The following TBKBP1 variants were observed in gnomAD, a reference collection of about 807,000 sequenced individuals.
TBKBP1 encodes the protein TANK-binding kinase 1-binding protein 1.
A neutral mutation model predicts 69.9 loss-of-function variants in TBKBP1; 47 were observed. That is an observed-to-expected ratio of 0.67 (90% confidence interval 0.53 to 0.86). The LOEUF is 0.86. TBKBP1 is among the 40% of genes least tolerant of loss of function. TBKBP1 has a pLI of 0.00. For synonymous variants in TBKBP1, 418 were observed against 390.3 expected (o/e 1.07, Z -0.84); for missense variants, 831 against 858.6 (o/e 0.97, Z 0.40).
chr17:47,706,027 G>A (rs1318646188), intron 7 of TBKBP1, among the ~76,000 whole-genome samples: 1 of 152,018 alleles, frequency 6.6e-6, no homozygotes, highest in African/African-American at 2.4e-5. Context: ...GGTAGAAACT[G>A]GGGTAGCTCC....
chr17:47,696,995 G>T (rs1460970747), intron 3 of TBKBP1, 94 bp from the exon 4 acceptor site: 9 of 1,515,364 alleles, frequency 5.9e-6, no homozygotes, highest in Non-Finnish European at 8.0e-6. Flanking sequence ...TCCATAGGGT[G>T]CTGGGAGTGG....
intron 1 of TBKBP1, 72 bp from the exon 2 acceptor site, chr17:47,696,007 A>T: frequency 1.2e-6 from 1 of 859,012 alleles, no homozygotes; most frequent in East Asian, 2.6e-5. Context: ...GGGAGTGCAG[A>T]GCCAGGGAGA....
intron 7 of TBKBP1, among the ~76,000 whole-genome samples, chr17:47,701,762 C>T (rs776599149): frequency 3.3e-5 from 5 of 152,196 alleles, no homozygotes; most frequent in African/African-American, 4.8e-5. Flanking sequence ...GCTAGGAGGC[C>T]GTATCATCCA....
intron 1 of TBKBP1, chr17:47,694,483 C>G (rs1260574986): frequency 6.6e-6 from 1 of 152,004 alleles, no homozygotes. Flanking sequence ...TCTCGGCCCC[C>G]GAGAGGGGAG....
chr17:47,703,373 C>T (rs2031586553), intron 7 of TBKBP1, among the ~76,000 whole-genome samples: 1 of 152,238 alleles, frequency 6.6e-6, no homozygotes, highest in Non-Finnish European at 1.5e-5. Flanking sequence ...AGCGTAGCCT[C>T]ATGCCCCAGA....
intron 9 of TBKBP1, 42 bp from the exon 10 acceptor site, chr17:47,710,456 T>G (rs752378149): frequency 1.3e-6 from 2 of 1,582,386 alleles, no homozygotes; most frequent in African/African-American, 2.7e-5. Flanking sequence ...GGACCATGGG[T>G]GGGGGCTGGG....
At chr17:47,694,896 G>T (rs1000015091) in intron 1 of TBKBP1, among the ~76,000 whole-genome samples, 2 of 150,938 alleles carry the variant, frequency 1.3e-5, no homozygotes, top group African/African-American at 4.9e-5. Flanking sequence ...GGAGGGGGGG[G>T]GGTGGATTGA....
rs560881033 is a variant in TBKBP1, at chr17:47,699,257, C to G, written c.635-63C>G. 3 of 1,430,740 alleles carry G rather than the reference C, an allele frequency of 2.1e-6. No homozygotes were observed. In the South Asian group the frequency reaches 4.7e-5, roughly 22 times the overall value. The allele number at this position is 1,430,740 out of a possible 1,614,324, so 88.6% of individuals were successfully genotyped here. On this transcript the variant is annotated intron_variant, in intron 5 of 9. Transcript: ENST00000578982. ...CCCCATGCTGCATCCTCCTGTTTCA[C>G]TCTGGCTCTGGGAGCTGGAGGAGGC...
chr17:47,694,236 C>A (rs2031109838), intron 1 of TBKBP1, 42 bp downstream of exon 1: 1 of 141,688 alleles, frequency 7.1e-6, no homozygotes, highest in Non-Finnish European at 1.5e-5. Flanking sequence ...AGGGGAGCGG[C>A]GCCCGGGCTG....
intron 7 of TBKBP1, 136 bp downstream of exon 7, chr17:47,699,833 T>C (rs2031419969): frequency 2.8e-6 from 3 of 1,060,536 alleles, no homozygotes; most frequent in South Asian, 1.5e-5. Context: ...TCTTTTTTTT[T>C]TTTTTTGAGA....
At chr17:47,706,699 A>T (rs1249200533) in intron 7 of TBKBP1, among the ~76,000 whole-genome samples, 1 of 152,118 alleles carries the variant, frequency 6.6e-6, no homozygotes, top group Non-Finnish European at 1.5e-5. Context: ...CTGCCCCAGG[A>T]TTAGTAAGAG....
Position 47,699,507 on chromosome 17 carries a change from G to A in TBKBP1, c.810+12G>A. 6.3e-7 allele frequency: 1 copy of A among 1,595,940 alleles called. No individual in the cohort carries two copies. Among genetic ancestry groups the A allele is most frequent in the Non-Finnish European group, 8.6e-7 (1 of 1,168,986 alleles). ...AGACCCGGGCCCAGGTAAATGCAGGGGCCTGGAACAGCTTCTGGAGGTCCA... is the reference window on the plus strand; with the variant it reads ...AGACCCGGGCCCAGGTAAATGCAGGAGCCTGGAACAGCTTCTGGAGGTCCA... On this transcript the variant is annotated intron_variant, in intron 6 of 9. Transcript: ENST00000578982.
chr17:47,698,426 G>A (rs550106226), intron 4 of TBKBP1, among the ~76,000 whole-genome samples, 169 bp from the exon 5 acceptor site: 5 of 152,344 alleles, frequency 3.3e-5, no homozygotes, highest in Admixed American at 6.5e-5. Flanking sequence ...GCAACAGCCC[G>A]CAACAGCTGC....
At chr17:47,697,431 T>C (rs188336440) in intron 4 of TBKBP1, among the ~76,000 whole-genome samples, 11 of 152,300 alleles carry the variant, frequency 7.2e-5, no homozygotes, top group Non-Finnish European at 1.0e-4. Context: ...ATCCTGGCCA[T>C]GCAGTGGCCC....
intron 4 of TBKBP1, among the ~76,000 whole-genome samples, chr17:47,697,761 T>C (rs1267526698): frequency 6.6e-6 from 1 of 151,758 alleles, no homozygotes; most frequent in Non-Finnish European, 1.5e-5. Flanking sequence ...CTGGGCAACA[T>C]AGTGAAACCC....
chr17:47,708,834 C>G lies in TBKBP1; in HGVS notation c.1101C>G (p.Val367=). Residue 367 remains valine, a synonymous_variant, in exon 9 of 10, where the codon GTC becomes GTG. Coordinates refer to ENST00000578982, the MANE Select transcript of TBKBP1 (RefSeq NM_001394755.1). This position sits in a 1 kb window ranked among gnomAD's most constrained non-coding sequence, Gnocchi z 4.4. ...CGTGCCCCCCGTGCCAGTCCCCCGT[C>G]CCCCAGCGCCGCTCTCCCGTGCCCC... ...APPCPPCQSP[V]PQRRSPVPPC... 7.2e-7 allele frequency: 1 copy of G among 1,387,360 alleles called. No homozygotes were observed. The highest frequency in any genetic ancestry group is 9.4e-7 in the Non-Finnish European group (1 of 1,059,456). 85.9% of individuals were successfully genotyped at this position (1,387,360 alleles called of 1,614,324 possible). A position where few individuals can be genotyped will look rare whatever the true frequency, so the allele number is the denominator to read the frequency against.
Position 47,698,727 on chromosome 17 carries a change from T to G in TBKBP1, c.586T>G (p.Leu196Val), listed in dbSNP as rs558978884. 1 of 1,605,430 alleles carries G rather than the reference T, an allele frequency of 6.2e-7. No homozygotes were observed. Among genetic ancestry groups the G allele is most frequent in the East Asian group, 2.2e-5 (1 of 44,600 alleles). Residue 196 changes from leucine (L) to valine (V), a missense_variant, in exon 5 of 10, where the codon TTA becomes GTA. Transcript: ENST00000578982. ...PPAPAPPCTDLDLHYLALRGG... is the reference protein window; with the variant it reads ...PPAPAPPCTDVDLHYLALRGG... ...AGCCCCCGCCCCTCCCTGCACTGAT[T>G]TAGACCTGCACTACCTGGCACTGAG...
In TBKBP1 at chr17:47,708,800, C is replaced by T. The variant is rs185938851; in HGVS notation, c.1067C>T (p.Ala356Val). The change falls in exon 9 of 10, where the codon GCG becomes GTG. Residue 356 changes from alanine (A) to valine (V), a missense_variant. By Grantham distance (64) the Ala-to-Val change is moderately conservative. Coordinates refer to ENST00000578982, the MANE Select transcript of TBKBP1 (RefSeq NM_001394755.1). This position sits in a 1 kb window ranked among gnomAD's most constrained non-coding sequence, Gnocchi z 4.4. ...CCCTCCCCCTCCCCGCCTGCCCGAG[C>T]GGCTCCCCCGTGCCCCCCGTGCCAG... ...QCPSPSPPAR[A>V]APPCPPCQSP... 37,769 of 1,069,016 alleles carry T rather than the reference C, an allele frequency of 0.035. 1,233 individuals carry two copies. Among genetic ancestry groups the T allele is most frequent in the Middle Eastern group, 0.096 (304 of 3,158 alleles). 66.2% of individuals were successfully genotyped at this position (1,069,016 alleles called of 1,614,324 possible).
In TBKBP1 at chr17:47,696,847, G is replaced by C. The variant is rs764924844; in HGVS notation, c.348+14G>C. On this transcript the variant is annotated intron_variant, in intron 3 of 9. Coordinates refer to ENST00000578982, the MANE Select transcript of TBKBP1 (RefSeq NM_001394755.1). The stretch of plus-strand genomic sequence containing the variant: ...TTCCAGCATGAGGTGAGCCTACCAG[G>C]CTGGGCGCACCCCCTGAGCATCTTG... The C allele has an allele frequency of 2.5e-6, 4 of 1,612,952 alleles. No homozygotes were observed. Among genetic ancestry groups the C allele is most frequent in the Admixed American group, 1.7e-5 (1 of 59,872 alleles).
Sources: gnomAD v4.1 joint callset for allele counts (sites outside exome capture counted in the v4.1 genomes callset) on GRCh38, gnomAD v4.1.1 for gene constraint, Gnocchi (gnomAD v3.1) non-coding constraint, MANE v1.5 for transcripts, NCBI Gene and HGNC (gene_info 2026-07-23, HGNC 2026-07-21) for gene names.